Variants in LPCAT2 observed in about 807,000 individuals in gnomAD.
LPCAT2 encodes 1-AGP acyltransferase 11.
In LPCAT2, 58 loss-of-function variants were observed where a neutral mutation model predicts 64.7. The observed-to-expected ratio is 0.90, with a 90% CI of 0.73 to 1.12. The LOEUF (loss-of-function observed/expected upper bound fraction) is 1.12, where lower values mean the gene tolerates loss of function less well. Among genes scored for constraint, LPCAT2 ranks in the 50% most tolerant of loss-of-function variants. LPCAT2 has a pLI of 0.00. For synonymous variants in LPCAT2, 252 were observed against 245.3 expected, an observed-to-expected ratio of 1.03 and a Z score of -0.26; for missense variants, 579 against 669.8, an observed-to-expected ratio of 0.86 and a Z score of 1.50.
rs563127679 is a variant in LPCAT2 at position 55,525,603 on chromosome 16, A to C, written c.267A>C (p.Val89=). 1.9e-6 allele frequency: 3 copies of C among 1,612,160 alleles called. No individual in the cohort carries two copies. The African/African-American group carries it at 4.0e-5, about 22-fold the overall frequency. The part of the protein sequence containing the change: ...LAWPFAAIST[V]CCPEKLTHPI... ...GGCCATTTGCTGCAATTTCAACAGT[A>C]TGCTGTCCTGAAAAGCTGACCCACC... Residue 89 remains valine, a synonymous_variant, in exon 2 of 14, where the codon GTA becomes GTC. Transcript: ENST00000262134.
chr16:55,524,985 T>C (rs1469614509), intron 1 of LPCAT2, among the ~76,000 whole-genome samples: 15 of 152,082 alleles, frequency 9.9e-5, no homozygotes. Flanking sequence ...TTTTCATTTC[T>C]TCTTCTTATT....
intron 1 of LPCAT2, among the ~76,000 whole-genome samples, chr16:55,512,550 G>A (rs954204718): frequency 4.6e-5 from 7 of 152,080 alleles, no homozygotes; most frequent in African/African-American, 1.7e-4. Context: ...CTATCAAAGT[G>A]ACTAAAAATC....
chr16:55,569,722 C>G (rs73551777), intron 11 of LPCAT2, among the ~76,000 whole-genome samples: 1,683 of 152,272 alleles, frequency 0.011, 22 homozygotes, highest in African/African-American at 0.028. Flanking sequence ...CTCCTTTTCT[C>G]TTCTGAATTT....
At chr16:55,555,735 A>G (rs1474628376) in intron 11 of LPCAT2, among the ~76,000 whole-genome samples, 7 of 152,220 alleles carry the variant, frequency 4.6e-5, no homozygotes, top group African/African-American at 1.4e-4. Context: ...GTCATCATCT[A>G]TGAAATACTA....
chr16:55,515,957 A>G (rs1963004441), intron 1 of LPCAT2, among the ~76,000 whole-genome samples: 1 of 152,240 alleles, frequency 6.6e-6, no homozygotes, highest in Non-Finnish European at 1.5e-5. Context: ...CGTAAGACAT[A>G]CAGAAAACAA....
chr16:55,576,450 A>C (rs1259875414), intron 12 of LPCAT2, among the ~76,000 whole-genome samples: 1 of 151,616 alleles, frequency 6.6e-6, no homozygotes, highest in Non-Finnish European at 1.5e-5. Context: ...AATAAGATAG[A>C]CTGACTGACT....
At chr16:55,532,758 T>A (rs1963270599) in intron 5 of LPCAT2, 66 bp from the exon 6 acceptor site, 1 of 1,052,978 alleles carries the variant, frequency 9.5e-7, no homozygotes, top group Admixed American at 1.8e-5. Flanking sequence ...TATTTATTAA[T>A]TTTCTCTTTA....
chr16:55,552,208 T>G (rs555800982), intron 11 of LPCAT2, among the ~76,000 whole-genome samples: 2 of 152,366 alleles, frequency 1.3e-5, no homozygotes, highest in Non-Finnish European at 2.9e-5. Flanking sequence ...TATAGTTTTT[T>G]GAGTATGGCT....
At chr16:55,549,838 C>CT (rs1963495686) in intron 10 of LPCAT2, among the ~76,000 whole-genome samples, 1 of 152,110 alleles carries the variant, frequency 6.6e-6, no homozygotes, top group Non-Finnish European at 1.5e-5. Context: ...CTAGATCTGC[C>CT]TTTTTTTCTG....
chr16:55,567,648 G>A, intron 11 of LPCAT2: 1 of 763,500 alleles, frequency 1.3e-6, no homozygotes, highest in Non-Finnish European at 2.1e-6. Flanking sequence ...ATCATGTGCT[G>A]CCTTTTACTG....
intron 3 of LPCAT2, 32 bp from the exon 4 acceptor site, chr16:55,529,803 G>T: frequency 7.0e-7 from 1 of 1,424,188 alleles, no homozygotes; most frequent in East Asian, 2.4e-5. Context: ...GCCAAAAAAT[G>T]GCTTGCCTGT....
chr16:55,568,563 C>T (rs1376584013), intron 11 of LPCAT2, among the ~76,000 whole-genome samples: 1 of 152,156 alleles, frequency 6.6e-6, no homozygotes, highest in Non-Finnish European at 1.5e-5. Context: ...AATACTAATA[C>T]TTGAGTCTCC....
intron 10 of LPCAT2, among the ~76,000 whole-genome samples, chr16:55,549,718 A>G (rs899357679): frequency 6.6e-6 from 1 of 152,226 alleles, no homozygotes; most frequent in Non-Finnish European, 1.5e-5. Context: ...TCTTACAAGG[A>G]CAGCATCATT....
intron 8 of LPCAT2, chr16:55,539,235 T>C (rs548474303): frequency 7.0e-6 from 1 of 142,484 alleles, no homozygotes; most frequent in South Asian, 2.3e-4. Flanking sequence ...TTCCTTTCTG[T>C]GTCATGGCTT....
At chr16:55,550,071 A>T (rs1963498587) in intron 10 of LPCAT2, among the ~76,000 whole-genome samples, 1 of 152,200 alleles carries the variant, frequency 6.6e-6, no homozygotes, top group South Asian at 2.1e-4. Context: ...CAGTTACTAT[A>T]TCAAAGTTCA....
At chr16:55,511,466 C>G (rs917610578) in intron 1 of LPCAT2, among the ~76,000 whole-genome samples, 1 of 152,244 alleles carries the variant, frequency 6.6e-6, no homozygotes, top group South Asian at 2.1e-4. Context: ...TAAGTTTAAT[C>G]TTAAATGATG....
In LPCAT2 at chr16:55,585,870, T is replaced by C. The variant is rs1963939731; in HGVS notation, c.*2772T>C. The C allele has an allele frequency of 6.6e-6, 1 of 152,190 alleles. No homozygotes were observed. Among genetic ancestry groups the C allele is most frequent in the African/African-American group, 2.4e-5 (1 of 41,464 alleles). The allele number at this position is 152,190 out of a possible 1,614,324, so 9.4% of individuals were successfully genotyped here. ...GAATCAAGAACTCTCCCCTTCAGAC[T>C]ATTACCGAATGCAAGGTGGTTAATT... On this transcript the variant is annotated 3_prime_UTR_variant, in exon 14 of 14. Coordinates refer to ENST00000262134, the MANE Select transcript of LPCAT2 (RefSeq NM_017839.5).
chr16:55,560,704 G>A (rs1963626315), intron 11 of LPCAT2, among the ~76,000 whole-genome samples: 1 of 152,014 alleles, frequency 6.6e-6, no homozygotes, highest in South Asian at 2.1e-4. Context: ...CTCAAGAGAG[G>A]AAGTTACATG....
At chr16:55,558,175 AT>A (rs1567402599) in intron 11 of LPCAT2, among the ~76,000 whole-genome samples, 5 of 152,242 alleles carry the variant, frequency 3.3e-5, no homozygotes, top group Admixed American at 2.6e-4. Context: ...ACTTCTCAAC[AT>A]TTTATATGTT....
Sources: allele counts gnomAD v4.1 joint callset (sites outside exome capture counted in the v4.1 genomes callset), GRCh38; gene constraint gnomAD v4.1.1; transcripts MANE v1.5; gene names NCBI Gene and HGNC (gene_info 2026-07-23, HGNC 2026-07-21).